PCDHA11: variants seen among roughly 807,000 people sequenced by gnomAD.
The protein encoded by PCDHA11 is protocadherin alpha-11.
PCDHA11 carries 61 observed loss-of-function variants against 70.3 expected under a neutral mutation model. That is an observed-to-expected ratio of 0.87 (90% CI 0.71 to 1.07). The LOEUF (loss-of-function observed/expected upper bound fraction) is 1.07. PCDHA11 is among the 50% of genes least tolerant of loss of function. The pLI, the probability that PCDHA11 is intolerant of heterozygous loss-of-function variation, is 0.00. For synonymous variants in PCDHA11, 633 were observed against 555.1 expected (o/e 1.14, Z -1.97); for missense variants, 1,324 against 1,237.5 (o/e 1.07, Z -1.05).
chr5:140,994,568 G>T (rs1240135648), intron 3 of PCDHA11, among the ~76,000 whole-genome samples: 1 of 151,992 alleles, frequency 6.6e-6, no homozygotes, highest in Non-Finnish European at 1.5e-5. Context: ...AGCCGGGTGT[G>T]GTGGCATGCA....
chr5:140,923,306 C>T (rs572766829), intron 1 of PCDHA11, among the ~76,000 whole-genome samples: 1 of 152,098 alleles, frequency 6.6e-6, no homozygotes, highest in East Asian at 1.9e-4. Flanking sequence ...GGCGTGGGGG[C>T]GCTTGGCCTA....
chr5:140,894,374 A>G (rs1449305462), intron 1 of PCDHA11, among the ~76,000 whole-genome samples: 1 of 151,940 alleles, frequency 6.6e-6, no homozygotes, highest in African/African-American at 2.4e-5. Flanking sequence ...AATGGCTCCA[A>G]TTATATTTGT....
At chr5:140,927,564 GGACACAAAT>G in intron 1 of PCDHA11, 1 of 1,614,150 alleles carries the variant, frequency 6.2e-7, no homozygotes, top group Admixed American at 1.7e-5. Context: ...TCATTGTGGT[GGACACAAAT>G]GACAACGCGC....
intron 1 of PCDHA11, among the ~76,000 whole-genome samples, chr5:140,945,500 T>A (rs2093799104): frequency 6.6e-6 from 1 of 152,046 alleles, no homozygotes; most frequent in South Asian, 2.1e-4. Flanking sequence ...CAAAGCAATA[T>A]TGAGCAAAGT....
intron 1 of PCDHA11, among the ~76,000 whole-genome samples, chr5:140,921,272 C>T (rs2080137544): frequency 6.6e-6 from 1 of 152,074 alleles, no homozygotes; most frequent in African/African-American, 2.4e-5. Context: ...TTTATACTTA[C>T]TTGAAAAAAA....
At chr5:140,906,713 G>A (rs1554192665) in intron 1 of PCDHA11, among the ~76,000 whole-genome samples, 1 of 152,160 alleles carries the variant, frequency 6.6e-6, no homozygotes, top group Non-Finnish European at 1.5e-5. Flanking sequence ...AGTCCTGCCT[G>A]GATTGTGCTG....
chr5:140,902,976 G>T (rs2069915302), intron 1 of PCDHA11, among the ~76,000 whole-genome samples: 1 of 152,140 alleles, frequency 6.6e-6, no homozygotes, highest in African/African-American at 2.4e-5. Flanking sequence ...GGGCATTTAG[G>T]TTGGTTCCAT....
At chr5:140,948,253 AT>A (rs1365335948) in intron 1 of PCDHA11, among the ~76,000 whole-genome samples, 1 of 151,624 alleles carries the variant, frequency 6.6e-6, no homozygotes, top group Non-Finnish European at 1.5e-5. Context: ...ATATTTTTAC[AT>A]CTGTGTTCAT....
intron 1 of PCDHA11, chr5:140,884,453 G>A (rs2060182161): frequency 2.5e-6 from 4 of 1,613,658 alleles, no homozygotes; most frequent in Admixed American, 1.7e-5. Flanking sequence ...ACCGCCCACC[G>A]AGGGCGCGTG....
intron 1 of PCDHA11, among the ~76,000 whole-genome samples, chr5:140,946,661 G>C (rs2094005923): frequency 7.6e-6 from 1 of 132,422 alleles, no homozygotes; most frequent in Non-Finnish European, 1.6e-5. Flanking sequence ...CCATTAGAAA[G>C]AATGAAATCC....
At chr5:140,941,406 T>C (rs1381146519) in intron 1 of PCDHA11, among the ~76,000 whole-genome samples, 1 of 146,240 alleles carries the variant, frequency 6.8e-6, no homozygotes, top group Non-Finnish European at 1.5e-5. Context: ...AACCTCCGCC[T>C]CCCGGGTTCA....
intron 1 of PCDHA11, among the ~76,000 whole-genome samples, chr5:140,893,358 C>A (rs1385049897): frequency 2.0e-5 from 3 of 152,134 alleles, no homozygotes; most frequent in Admixed American, 6.5e-5. Context: ...AATTTACATG[C>A]CCACCAACAG....
chr5:140,882,720 G>T, intron 1 of PCDHA11: 2 of 1,614,198 alleles, frequency 1.2e-6, no homozygotes, highest in Non-Finnish European at 1.7e-6. Context: ...CCGGAAACTC[G>T]ATTTCCACTA....
chr5:140,996,111 G>C (rs981356405), intron 3 of PCDHA11, among the ~76,000 whole-genome samples: 1 of 152,220 alleles, frequency 6.6e-6, no homozygotes, highest in East Asian at 1.9e-4. Context: ...GTATGGAAGT[G>C]TGCAGGGTGG....
chr5:140,900,420 GGC>G lies in PCDHA11; in HGVS notation c.2391+28927_2391+28928del, dbSNP rs1554189140. ...AGCCTCCCAAGTAGCTGGGATTATA[GGC>G]ACGTGCCACCACGGCCGGCTAATTT... On this transcript the variant is annotated intron_variant, in intron 1 of 3. Transcript: ENST00000398640. Among the ~76,000 whole-genome samples the G allele has an allele frequency of 7.9e-5, 12 of 152,256 alleles. No individual in the cohort carries two copies. The East Asian group carries it at 2.3e-3, about 30-fold the overall frequency.
At chr5:140,905,135 T>A (rs2071619691) in intron 1 of PCDHA11, among the ~76,000 whole-genome samples, 1 of 152,208 alleles carries the variant, frequency 6.6e-6, no homozygotes, top group Non-Finnish European at 1.5e-5. Context: ...GAAGAGTTTT[T>A]CTGCTGTTAT....
At chr5:141,000,376 T>C (rs2097906883) in intron 3 of PCDHA11, among the ~76,000 whole-genome samples, 1 of 58,410 alleles carries the variant, frequency 1.7e-5, no homozygotes, top group Non-Finnish European at 3.2e-5. Flanking sequence ...TCTCTCTCTC[T>C]CTCTCTCTCT....
intron 3 of PCDHA11, among the ~76,000 whole-genome samples, chr5:140,999,451 C>T (rs1245812469): frequency 4.6e-5 from 7 of 152,084 alleles, no homozygotes; most frequent in African/African-American, 9.7e-5. Context: ...ATTCGTTCAA[C>T]GAATAAGTGG....
chr5:140,980,363 G>A (rs1477868054), intron 2 of PCDHA11, among the ~76,000 whole-genome samples: 1 of 152,204 alleles, frequency 6.6e-6, no homozygotes, highest in Non-Finnish European at 1.5e-5. Context: ...TGGGCGCGGT[G>A]GCTCACACCT....
Sources: gnomAD v4.1 joint callset for allele counts (sites outside exome capture counted in the v4.1 genomes callset) on GRCh38, gnomAD v4.1.1 for gene constraint, MANE v1.5 for transcripts, NCBI Gene and HGNC (gene_info 2026-07-23, HGNC 2026-07-21) for gene names.